The following AAK1 variants were observed in gnomAD, a reference collection of about 807,000 sequenced individuals.
The protein encoded by AAK1 is AP2 associated kinase 1, also known as AP2-associated protein kinase 1.
In AAK1, 37 loss-of-function variants were observed where a neutral mutation model predicts 116.0. That is an observed-to-expected ratio of 0.32 (90% CI 0.25 to 0.42). AAK1 has a LOEUF of 0.42. AAK1 is among the 10% of genes least tolerant of loss of function. AAK1 has a pLI of 1.00. For missense variants in AAK1, 919 were observed against 1,170.6 expected (o/e 0.79, Z 3.14); for synonymous variants, 458 against 439.9 (o/e 1.04, Z -0.51).
At position 69,519,017 on chromosome 2, in the gene AAK1, T is replaced by C; in HGVS notation, c.1434A>G (p.Pro478=). 1 of 1,549,662 alleles carries C rather than the reference T, an allele frequency of 6.5e-7. No homozygotes were observed. Among genetic ancestry groups the C allele is most frequent in the South Asian group, 1.2e-5 (1 of 83,980 alleles). Residue 478 remains proline (P), a synonymous_variant, in exon 12 of 22, where the codon CCA becomes CCG. Transcript: ENST00000409085. ...FLKQQQQQQQ[P]PPAQQQPAGT... is the part of the protein sequence containing the mutation. Reference sequence around the variant, plus strand: ...CTGCCGGCTGCTGCTGTGCTGGCGGTGGCTGTTGCTGCTGCTGTTGCTGCT... The same window carrying C: ...CTGCCGGCTGCTGCTGTGCTGGCGGCGGCTGTTGCTGCTGCTGTTGCTGCT...
intron 2 of AAK1, among the ~76,000 whole-genome samples, chr2:69,558,012 C>G (rs1671458910): frequency 6.6e-6 from 1 of 152,180 alleles, no homozygotes; most frequent in Admixed American, 6.5e-5. Flanking sequence ...AATGTCCACA[C>G]TGACCTTTCT....
Position 69,468,596 on chromosome 2 carries a change from A to G in AAK1, c.*7273T>C. The G allele has an allele frequency of 1.0e-6, 1 of 985,456 alleles. No individual in the cohort carries two copies. Among genetic ancestry groups the G allele is most frequent in the Non-Finnish European group, 1.2e-6 (1 of 829,928 alleles). 61.0% of individuals were successfully genotyped at this position (985,456 alleles called of 1,614,324 possible). A position where few individuals can be genotyped will look rare whatever the true frequency, so the allele number is the denominator to read the frequency against. ...CCAGTGACCAACTCTGGCATCATACAGGTCAATAATCCAATGAACACTAGT... is the reference window on the plus strand; with the variant it reads ...CCAGTGACCAACTCTGGCATCATACGGGTCAATAATCCAATGAACACTAGT... On this transcript the variant is annotated 3_prime_UTR_variant, in exon 22 of 22. Transcript: ENST00000409085.
chr2:69,500,698 T>TATATATATATATACACAC, intron 16 of AAK1, among the ~76,000 whole-genome samples: 9 of 65,096 alleles, frequency 1.4e-4, no homozygotes, highest in African/African-American at 2.4e-4. Context: ...TATATATATA[T>TATATATATATATACACAC]ACACACACAC....
chr2:69,481,144 G>A (rs771083666), intron 18 of AAK1, 183 bp from the exon 19 acceptor site: 5 of 493,218 alleles, frequency 1.0e-5, no homozygotes, highest in Non-Finnish European at 1.8e-5. Flanking sequence ...TTACAAGTGT[G>A]AGCCACTGCA....
intron 2 of AAK1, among the ~76,000 whole-genome samples, chr2:69,582,968 G>GT (rs1672610772): frequency 6.6e-6 from 1 of 152,158 alleles, no homozygotes; most frequent in African/African-American, 2.4e-5. Flanking sequence ...GTGATCATAT[G>GT]TAACTGCCAC....
intron 15 of AAK1, 73 bp from the exon 16 acceptor site, chr2:69,505,746 G>A (rs1274794831): frequency 3.4e-6 from 4 of 1,185,750 alleles, no homozygotes; most frequent in Admixed American, 3.9e-5. Flanking sequence ...CAGAGGTAAG[G>A]GGCATTCTCT....
At chr2:69,635,898 T>C (rs1298921246) in intron 2 of AAK1, among the ~76,000 whole-genome samples, 1 of 152,228 alleles carries the variant, frequency 6.6e-6, no homozygotes, top group East Asian at 1.9e-4. Context: ...ATTTAACACC[T>C]AGACGTACAT....
Position 69,458,681 on chromosome 2 carries a change from A to G in AAK1, c.*17188T>C, listed in dbSNP as rs530694648. On this transcript the variant is annotated 3_prime_UTR_variant, in exon 22 of 22. Coordinates refer to ENST00000409085, the MANE Select transcript of AAK1 (RefSeq NM_014911.5). ...TATTAGGAGAGCTTGAATTAACACC[A>G]TGGAAGAAAGCATGAAGATGAATGA... 2.5e-3 allele frequency: 376 copies of G among 152,536 alleles called. 2 individuals are homozygous for G. The highest frequency in any genetic ancestry group is 3.4e-3 in the Non-Finnish European group (234 of 68,014). 9.4% of individuals were successfully genotyped at this position (152,536 alleles called of 1,614,324 possible).
At chr2:69,518,895 G>A in intron 12 of AAK1, 59 bp downstream of exon 12, 1 of 1,474,860 alleles carries the variant, frequency 6.8e-7, no homozygotes, top group Non-Finnish European at 9.0e-7. Context: ...TTACCTAGTG[G>A]GCCTTTTCAC....
Position 69,520,843 on chromosome 2 carries a change from G to A in AAK1, c.1201C>T (p.Gln401Ter), listed in dbSNP as rs2104999961. The A allele has an allele frequency of 6.4e-7, 1 of 1,551,644 alleles. No homozygotes were observed. Among genetic ancestry groups the A allele is most frequent in the African/African-American group, 1.4e-5 (1 of 72,294 alleles). Residue 401 changes from glutamine to a stop codon, truncating the protein, a stop_gained, in exon 11 of 22, where the codon CAG becomes TAG. Transcript: ENST00000409085. LOFTEE classifies it high-confidence loss of function. ...RKRATVQPPP[Q>*]AAGSSNQPGL... Reference sequence around the variant, plus strand: ...CAATCTAGATACAAACCTGCAGCCTGAGGTGGGGGCTGAACAGTGGCCCTC... The same window carrying A: ...CAATCTAGATACAAACCTGCAGCCTAAGGTGGGGGCTGAACAGTGGCCCTC...
intron 2 of AAK1, among the ~76,000 whole-genome samples, chr2:69,622,164 C>T (rs538330010): frequency 6.6e-5 from 10 of 152,336 alleles, no homozygotes; most frequent in Non-Finnish European, 1.3e-4. Context: ...GCTTGGTGGG[C>T]CCCGCACTCA....
Position 69,556,849 on chromosome 2 carries a change from G to A in AAK1, c.282+11C>T, listed in dbSNP as rs1276957691. On this transcript the variant is annotated intron_variant, in intron 3 of 21. Coordinates refer to ENST00000409085, the MANE Select transcript of AAK1 (RefSeq NM_014911.5). ...ATTTTAAACAGTCCCAAGTCCAAGG[G>A]GCAGCCTTACCATTATCTGGATTTC... is the stretch of plus-strand genomic sequence containing the variant. 6.3e-7 allele frequency: 1 copy of A among 1,595,034 alleles called. No homozygotes were observed. The highest frequency in any genetic ancestry group is 8.6e-7 in the Non-Finnish European group (1 of 1,163,004).
intron 2 of AAK1, among the ~76,000 whole-genome samples, chr2:69,636,469 T>C (rs2105268215): frequency 6.6e-6 from 1 of 152,194 alleles, no homozygotes; most frequent in East Asian, 1.9e-4. Flanking sequence ...AACTTACAAA[T>C]AAACAAGCAC....
intron 2 of AAK1, among the ~76,000 whole-genome samples, chr2:69,583,708 T>C (rs1442681197): frequency 6.6e-6 from 1 of 152,194 alleles, no homozygotes; most frequent in African/African-American, 2.4e-5. Flanking sequence ...TTTCTTGATA[T>C]GTGTACAATT....
chr2:69,493,125 C>G (rs1675599153), intron 17 of AAK1, among the ~76,000 whole-genome samples: 2 of 107,916 alleles, frequency 1.9e-5, no homozygotes, highest in African/African-American at 3.4e-5. Context: ...CGCCACTGCA[C>G]TCCAGCCTGG....
intron 4 of AAK1, among the ~76,000 whole-genome samples, chr2:69,543,025 A>G (rs557846373): frequency 1.3e-5 from 2 of 152,300 alleles, no homozygotes; most frequent in African/African-American, 4.8e-5. Context: ...TCAACTTGCC[A>G]TATCTTTTAG....
chr2:69,566,982 T>C (rs996202786), intron 2 of AAK1, among the ~76,000 whole-genome samples: 2 of 152,146 alleles, frequency 1.3e-5, no homozygotes, highest in African/African-American at 4.8e-5. Context: ...CATTTGAAAC[T>C]TCGCAATGGC....
intron 17 of AAK1, among the ~76,000 whole-genome samples, chr2:69,484,486 C>T (rs767845928): frequency 3.9e-5 from 6 of 152,116 alleles, no homozygotes; most frequent in Admixed American, 6.5e-5. Context: ...ATTTATACCT[C>T]GTTTATATTA....
At chr2:69,564,209 GAAAAA>G (rs1476648216) in intron 2 of AAK1, among the ~76,000 whole-genome samples, 1 of 151,528 alleles carries the variant, frequency 6.6e-6, no homozygotes, top group African/African-American at 2.4e-5. Flanking sequence ...AAAGAAAAAA[GAAAAA>G]AGAAAAGAAA....
Sources: allele counts gnomAD v4.1 joint callset (sites outside exome capture counted in the v4.1 genomes callset), GRCh38; gene constraint gnomAD v4.1.1; transcripts MANE v1.5; gene names NCBI Gene and HGNC (gene_info 2026-07-23, HGNC 2026-07-21).